ARID1B: variants seen among roughly 807,000 people sequenced by gnomAD.
The protein encoded by ARID1B is AT-rich interactive domain-containing protein 1B.
In ARID1B, 30 loss-of-function variants were observed where a neutral mutation model predicts 212.3. That is an observed-to-expected ratio of 0.14 (90% CI 0.11 to 0.19). The LOEUF is 0.19. ARID1B is among the 10% of genes least tolerant of loss of function. The probability of loss-of-function intolerance (pLI) is 1.00; values close to 1 mark genes in which losing one functional copy is unlikely to be tolerated. For synonymous variants in ARID1B, 1,402 were observed against 1,301.7 expected, an observed-to-expected ratio of 1.08 and a Z score of -1.66; for missense variants, 2,891 against 3,204.0, an observed-to-expected ratio of 0.90 and a Z score of 2.36.
intron 4 of ARID1B, among the ~76,000 whole-genome samples, chr6:157,044,049 C>A (rs909077039): frequency 2.0e-4 from 30 of 152,194 alleles, no homozygotes; most frequent in Non-Finnish European, 2.8e-4. Flanking sequence ...CTGGACACAA[C>A]ATTTGGAATG....
chr6:156,827,541 C>T (rs1385186376), intron 1 of ARID1B, among the ~76,000 whole-genome samples: 1 of 152,220 alleles, frequency 6.6e-6, no homozygotes, highest in East Asian at 1.9e-4. Flanking sequence ...GTAGAATGCC[C>T]TGCAGGGCTC....
intron 3 of ARID1B, among the ~76,000 whole-genome samples, chr6:156,903,604 G>A (rs1789124793): frequency 6.6e-6 from 1 of 152,148 alleles, no homozygotes. Flanking sequence ...GTGATAACTT[G>A]CATTATAGAT....
At chr6:157,080,266 T>C (rs149667558) in intron 4 of ARID1B, among the ~76,000 whole-genome samples, 78 of 152,206 alleles carry the variant, frequency 5.1e-4, no homozygotes, top group Non-Finnish European at 1.0e-3. Flanking sequence ...AACCCACTTA[T>C]TTAATTAAGC....
chr6:156,909,554 G>T (rs140073087), intron 3 of ARID1B, among the ~76,000 whole-genome samples: 4 of 152,114 alleles, frequency 2.6e-5, no homozygotes, highest in Non-Finnish European at 5.9e-5. Flanking sequence ...TGTATCATTC[G>T]TTTCAAGCAA....
At chr6:156,892,973 T>C (rs1428684696) in intron 2 of ARID1B, among the ~76,000 whole-genome samples, 1 of 151,958 alleles carries the variant, frequency 6.6e-6, no homozygotes, top group African/African-American at 2.4e-5. Flanking sequence ...AATTAGCTCA[T>C]AATCTATCAT....
Position 156,818,938 on chromosome 6 carries a change from C to CT in ARID1B, c.1792-10285dup, listed in dbSNP as rs754022860. 7.1e-4 allele frequency among the ~76,000 whole-genome samples: 106 copies of CT among 149,944 alleles called. 1 individual carries two copies. Among genetic ancestry groups the CT allele is most frequent in the African/African-American group, 1.5e-3 (61 of 40,458 alleles). ...AATAATGATGATAATAAAATCTATC[C>CT]TTTTAAAAAAAAAAAAACCTGTTAT... On this transcript the variant is annotated intron_variant, in intron 1 of 19. Transcript: ENST00000636930.
chr6:157,009,209 A>G lies in ARID1B; in HGVS notation c.2247+73633A>G, dbSNP rs541912741. ...CTATAAGTGTTGATGAAAAACTGCA[A>G]GATTTCACTGGAAAACACAGTAGTT... On this transcript the variant is annotated intron_variant, in intron 4 of 19. Coordinates refer to ENST00000636930, the MANE Select transcript of ARID1B (RefSeq NM_001374828.1). Among the ~76,000 whole-genome samples the G allele has an allele frequency of 5.9e-5, 9 of 152,336 alleles. No individual in the cohort carries two copies. The South Asian group carries it at 8.3e-4, about 14-fold the overall frequency.
At chr6:157,006,368 G>A (rs1779252016) in intron 4 of ARID1B, among the ~76,000 whole-genome samples, 1 of 152,118 alleles carries the variant, frequency 6.6e-6, no homozygotes, top group South Asian at 2.1e-4. Context: ...CCCTCCTGGG[G>A]CAACAAAATG....
chr6:156,975,480 C>T (rs1777162935), intron 4 of ARID1B, among the ~76,000 whole-genome samples: 1 of 151,996 alleles, frequency 6.6e-6, no homozygotes, highest in Non-Finnish European at 1.5e-5. Flanking sequence ...CAAAAAAATA[C>T]CTTTAATTTT....
chr6:157,094,898 A>T lies in ARID1B; in HGVS notation c.2491+9993A>T, dbSNP rs1785509651. On this transcript the variant is annotated intron_variant, in intron 5 of 19. Coordinates refer to ENST00000636930, the MANE Select transcript of ARID1B (RefSeq NM_001374828.1). This position sits in a 1 kb window ranked among gnomAD's most constrained non-coding sequence, Gnocchi z 4.3. ...GTTTGGCCGAAGGAATTGGTAAATG[A>T]TGGTTCTGTACAGAAGACAGAGGAA... is the stretch of plus-strand genomic sequence containing the variant. Among the ~76,000 whole-genome samples the T allele has an allele frequency of 6.6e-6, 1 of 152,172 alleles. No individual in the cohort carries two copies. The highest frequency in any genetic ancestry group is 1.5e-5 in the Non-Finnish European group (1 of 68,036).
intron 3 of ARID1B, among the ~76,000 whole-genome samples, chr6:156,914,343 T>C (rs1297451317): frequency 1.3e-5 from 2 of 152,234 alleles, no homozygotes; most frequent in African/African-American, 4.8e-5. Flanking sequence ...TGATGGGTGA[T>C]AGTCATTCCT....
chr6:156,880,268 GGAGA>G (rs544788903), intron 2 of ARID1B, among the ~76,000 whole-genome samples: 1 of 152,182 alleles, frequency 6.6e-6, no homozygotes, highest in Non-Finnish European at 1.5e-5. Flanking sequence ...GGTAGTGAAA[GGAGA>G]GAGAAAGAAA....
At chr6:157,070,085 G>A (rs1783914999) in intron 4 of ARID1B, among the ~76,000 whole-genome samples, 1 of 152,002 alleles carries the variant, frequency 6.6e-6, no homozygotes, top group South Asian at 2.1e-4. Context: ...ATGGCAAAAT[G>A]TTACAATTTA....
At chr6:156,825,469 A>G (rs1269039987) in intron 1 of ARID1B, among the ~76,000 whole-genome samples, 1 of 152,148 alleles carries the variant, frequency 6.6e-6, no homozygotes, top group Non-Finnish European at 1.5e-5. Flanking sequence ...ACATGGTGCA[A>G]ATTAACTGAA....
chr6:157,131,940 C>T (rs952017914), intron 6 of ARID1B, among the ~76,000 whole-genome samples: 2 of 152,214 alleles, frequency 1.3e-5, no homozygotes, highest in Admixed American at 6.5e-5. Flanking sequence ...CCACCCACCT[C>T]GACCTCCCAG....
rs112493217 is a variant in ARID1B at position 157,200,256 on chromosome 6, G to A, written c.4480-449G>A. ...GTCTGGGGAGCCGAGTCCTGTTCGG[G>A]GGCTTTTCTGTAAAATGAGGCCCAA... On this transcript the variant is annotated intron_variant, in intron 17 of 19. Transcript: ENST00000636930. This position sits in a 1 kb window ranked among gnomAD's most constrained non-coding sequence, Gnocchi z 4.3. Among the ~76,000 whole-genome samples the A allele has an allele frequency of 0.12, 18,672 of 152,028 alleles. 2,552 individuals carry two copies. The highest frequency in any genetic ancestry group is 0.34 in the African/African-American group (14,115 of 41,376).
chr6:156,793,274 G>A (rs564787023), intron 1 of ARID1B, among the ~76,000 whole-genome samples: 8 of 152,196 alleles, frequency 5.3e-5, no homozygotes, highest in Non-Finnish European at 1.2e-4. Flanking sequence ...GTGAAGGAGA[G>A]CAGCCAGCTG....
At chr6:156,994,994 C>A (rs925778746) in intron 4 of ARID1B, among the ~76,000 whole-genome samples, 1 of 152,220 alleles carries the variant, frequency 6.6e-6, no homozygotes, top group African/African-American at 2.4e-5. Flanking sequence ...CTTACCAAGA[C>A]TTAGGTCTGA....
intron 3 of ARID1B, among the ~76,000 whole-genome samples, chr6:156,917,872 A>G (rs1341630234): frequency 2.0e-5 from 3 of 152,196 alleles, no homozygotes; most frequent in South Asian, 4.1e-4. Flanking sequence ...GAGTAGGTAG[A>G]TGGGTGTTTA....
Sources: gnomAD v4.1 joint callset for allele counts (sites outside exome capture counted in the v4.1 genomes callset) on GRCh38, gnomAD v4.1.1 for gene constraint, Gnocchi (gnomAD v3.1) non-coding constraint, MANE v1.5 for transcripts, NCBI Gene and HGNC (gene_info 2026-07-23, HGNC 2026-07-21) for gene names.